Variants in XPR1 observed in about 807,000 individuals in gnomAD.
XPR1 encodes xenotropic and polytropic retrovirus receptor 1, also known as solute carrier family 53 member 1.
A neutral mutation model predicts 87.5 loss-of-function variants in XPR1; 28 were observed. That is an observed-to-expected ratio of 0.32 (90% CI 0.24 to 0.44). The LOEUF (loss-of-function observed/expected upper bound fraction) is 0.44. Among genes scored for constraint, XPR1 ranks in the 20% least tolerant of loss-of-function variants. The pLI is 1.00. For missense variants in XPR1, 559 were observed against 862.3 expected, an observed-to-expected ratio of 0.65 and a Z score of 4.41; for synonymous variants, 300 against 306.1, an observed-to-expected ratio of 0.98 and a Z score of 0.21.
chr1:180,825,418 G>T, intron 9 of XPR1, 74 bp downstream of exon 9: 1 of 1,457,054 alleles, frequency 6.9e-7, no homozygotes, highest in Non-Finnish European at 9.2e-7. Context: ...TAAAACCAAG[G>T]CTGCTAGGTT....
chr1:180,814,305 T>G (rs530270357), intron 7 of XPR1, among the ~76,000 whole-genome samples: 8 of 152,354 alleles, frequency 5.3e-5, no homozygotes, highest in Non-Finnish European at 1.2e-4. Context: ...GATGTAGTGT[T>G]GCTATAATTT....
intron 6 of XPR1, among the ~76,000 whole-genome samples, chr1:180,809,894 A>T (rs1427185959): frequency 2.0e-5 from 3 of 152,168 alleles, no homozygotes; most frequent in African/African-American, 7.2e-5. Flanking sequence ...CATCTTTTGG[A>T]TGCTTTCAGT....
At chr1:180,800,525 A>G (rs1414288655) in intron 3 of XPR1, among the ~76,000 whole-genome samples, 1 of 152,194 alleles carries the variant, frequency 6.6e-6, no homozygotes, top group Non-Finnish European at 1.5e-5. Flanking sequence ...CCTAGCTAAC[A>G]CCTTGCGTTT....
At chr1:180,877,356 G>A (rs1379808074) in intron 13 of XPR1, among the ~76,000 whole-genome samples, 1 of 152,192 alleles carries the variant, frequency 6.6e-6, no homozygotes, top group Non-Finnish European at 1.5e-5. Flanking sequence ...AGAATAGGGA[G>A]TACAGAAAGA....
intron 7 of XPR1, among the ~76,000 whole-genome samples, chr1:180,818,876 T>C (rs758551806): frequency 7.2e-5 from 11 of 152,232 alleles, no homozygotes; most frequent in Non-Finnish European, 1.6e-4. Context: ...TTTAGATTTA[T>C]GTGCAATTGA....
chr1:180,773,261 A>G (rs914115722), intron 2 of XPR1, among the ~76,000 whole-genome samples: 2 of 152,160 alleles, frequency 1.3e-5, no homozygotes, highest in African/African-American at 2.4e-5. Flanking sequence ...AAATGTTCAG[A>G]CGGGAGAACA....
chr1:180,832,634 AT>A (rs1651108244), intron 9 of XPR1, among the ~76,000 whole-genome samples: 1 of 152,178 alleles, frequency 6.6e-6, no homozygotes, highest in Non-Finnish European at 1.5e-5. Context: ...AACACCATTT[AT>A]TAAATAGGGA....
intron 1 of XPR1, among the ~76,000 whole-genome samples, chr1:180,645,306 C>G (rs1655084204): frequency 6.6e-6 from 1 of 152,196 alleles, no homozygotes; most frequent in African/African-American, 2.4e-5. Context: ...TGATCATGCA[C>G]CAGCTGGGAG....
At chr1:180,691,856 A>T (rs1443957127) in intron 2 of XPR1, among the ~76,000 whole-genome samples, 2 of 152,124 alleles carry the variant, frequency 1.3e-5, no homozygotes, top group African/African-American at 4.8e-5. Flanking sequence ...GTTTTAACAG[A>T]TGTGAGCTTG....
At chr1:180,879,822 G>T (rs950224966) in intron 13 of XPR1, among the ~76,000 whole-genome samples, 3 of 152,144 alleles carry the variant, frequency 2.0e-5, no homozygotes, top group African/African-American at 7.2e-5. Context: ...GTAAATATTT[G>T]TCAAATAAGT....
intron 1 of XPR1, among the ~76,000 whole-genome samples, chr1:180,668,909 G>A (rs984601084): frequency 1.3e-5 from 2 of 152,014 alleles, no homozygotes; most frequent in Non-Finnish European, 2.9e-5. Context: ...GGCCAACATG[G>A]TGAAATCCCA....
At chr1:180,698,323 A>C (rs1294717516) in intron 2 of XPR1, among the ~76,000 whole-genome samples, 1 of 152,056 alleles carries the variant, frequency 6.6e-6, no homozygotes, top group African/African-American at 2.4e-5. Context: ...TTTACAGGTG[A>C]AATGGGTTTC....
chr1:180,689,005 A>G (rs1028399656), intron 2 of XPR1, among the ~76,000 whole-genome samples: 69 of 152,270 alleles, frequency 4.5e-4, no homozygotes, highest in Middle Eastern at 3.4e-3. Flanking sequence ...ATTTTGTCGT[A>G]TTCTTTTTAA....
At position 180,696,196 on chromosome 1, in the gene XPR1, GTGTGTGTGTGTGTA is replaced by G. The variant is rs1468789970; in HGVS notation, c.121+13787_121+13800del. Among the ~76,000 whole-genome samples, 5 of 114,136 alleles carry G rather than the reference GTGTGTGTGTGTGTA, an allele frequency of 4.4e-5. No homozygotes were observed. The East Asian group carries it at 7.0e-4, about 16-fold the overall frequency. The allele number at this position is 114,136 out of a possible 152,430, so 74.9% of individuals were successfully genotyped here. ...TGTGTGTGTGTGTGTGTGTGTGTGT[GTGTGTGTGTGTGTA>G]TATATATATATATATATATATTATG... On this transcript the variant is annotated intron_variant, in intron 2 of 14. Transcript: ENST00000367590.
chr1:180,846,387 A>G lies in XPR1; in HGVS notation c.1501+9671A>G, dbSNP rs1558036696. 2.6e-5 allele frequency among the ~76,000 whole-genome samples: 4 copies of G among 152,172 alleles called. No homozygotes were observed. The South Asian group carries it at 8.3e-4, about 32-fold the overall frequency. ...CATGCTTTTTAGAATGTAATGAACG[A>G]AAGACCAGTGGGCTAATGTTGAATT... On this transcript the variant is annotated intron_variant, in intron 11 of 14. Coordinates refer to ENST00000367590, the MANE Select transcript of XPR1 (RefSeq NM_004736.4).
intron 3 of XPR1, among the ~76,000 whole-genome samples, chr1:180,791,973 C>T (rs1202553917): frequency 6.6e-6 from 1 of 152,200 alleles, no homozygotes; most frequent in Non-Finnish European, 1.5e-5. Flanking sequence ...AGGCACGTCT[C>T]TTGATGTCCT....
At chr1:180,702,387 G>A (rs1439584458) in intron 2 of XPR1, among the ~76,000 whole-genome samples, 1 of 149,228 alleles carries the variant, frequency 6.7e-6, no homozygotes, top group African/African-American at 2.5e-5. Flanking sequence ...TAGGTGTGGT[G>A]TGGTGCTGAA....
At chr1:180,872,515 C>G (rs1295402869) in intron 12 of XPR1, among the ~76,000 whole-genome samples, 2 of 47,608 alleles carry the variant, frequency 4.2e-5, no homozygotes, top group Non-Finnish European at 8.6e-5. Flanking sequence ...GATATAGTCT[C>G]GTGGTGCGCC....
chr1:180,795,523 A>G lies in XPR1; in HGVS notation c.223+7669A>G, dbSNP rs182558178. Among the ~76,000 whole-genome samples the G allele has an allele frequency of 1.5e-4, 23 of 152,368 alleles. 1 individual carries two copies. In the East Asian group the frequency reaches 4.4e-3, roughly 29 times the overall value. On this transcript the variant is annotated intron_variant, in intron 3 of 14. Coordinates refer to ENST00000367590, the MANE Select transcript of XPR1 (RefSeq NM_004736.4). Reference sequence around the variant, plus strand: ...TTTCATCAATATTATAAAATTGCTTAGAAATACTGTGTGTAATATTTTTTC... The same window carrying G: ...TTTCATCAATATTATAAAATTGCTTGGAAATACTGTGTGTAATATTTTTTC...
Sources: gnomAD v4.1 joint callset for allele counts (sites outside exome capture counted in the v4.1 genomes callset) on GRCh38, gnomAD v4.1.1 for gene constraint, MANE v1.5 for transcripts, NCBI Gene and HGNC (gene_info 2026-07-23, HGNC 2026-07-21) for gene names.